CADM2: variants seen among roughly 807,000 people sequenced by gnomAD.
The protein encoded by CADM2 is immunoglobulin superfamily member 4D.
CADM2 carries 12 observed loss-of-function variants against 49.8 expected under a neutral mutation model. That is an observed-to-expected ratio of 0.24 (90% confidence interval 0.15 to 0.39). The LOEUF (loss-of-function observed/expected upper bound fraction) is 0.39, where lower values mean the gene tolerates loss of function less well. CADM2 is among the 10% of genes least tolerant of loss of function. CADM2 has a pLI of 1.00. For synonymous variants in CADM2, 214 were observed against 175.4 expected (o/e 1.22, Z -1.74); for missense variants, 378 against 492.3 (o/e 0.77, Z 2.20).
At chr3:85,349,696 A>T (rs2031137405) in intron 1 of CADM2, among the ~76,000 whole-genome samples, 1 of 152,252 alleles carries the variant, frequency 6.6e-6, no homozygotes, top group Non-Finnish European at 1.5e-5. Context: ...ACTGTTGATA[A>T]GAGATAAAAC....
chr3:85,716,877 C>T lies in CADM2; in HGVS notation c.62-9645C>T, dbSNP rs920940181. On this transcript the variant is annotated intron_variant, in intron 1 of 9. Coordinates refer to ENST00000383699, the MANE Select transcript of CADM2 (RefSeq NM_001167675.2). ...TATATATCTGATTTGGTGCCAGAAC[C>T]GTGCTGTTTTGGTTACTGTAGACTT... is the stretch of plus-strand genomic sequence containing the variant. Among the ~76,000 whole-genome samples the T allele has an allele frequency of 1.2e-4, 19 of 152,228 alleles. 1 individual carries two copies. In the South Asian group the frequency reaches 2.7e-3, roughly 22 times the overall value.
intron 1 of CADM2, among the ~76,000 whole-genome samples, chr3:85,380,022 C>A (rs13085170): frequency 0.26 from 39,652 of 151,862 alleles, 5,354 homozygotes; most frequent in South Asian, 0.34. Flanking sequence ...AAAAACATGT[C>A]CAATGACAAG....
intron 1 of CADM2, among the ~76,000 whole-genome samples, chr3:85,690,166 A>C (rs2066339185): frequency 6.6e-6 from 1 of 152,218 alleles, no homozygotes; most frequent in Non-Finnish European, 1.5e-5. Context: ...TAGAATCAGC[A>C]GAATGACTCT....
chr3:85,386,637 G>C (rs1044846573), intron 1 of CADM2, among the ~76,000 whole-genome samples: 2 of 152,192 alleles, frequency 1.3e-5, no homozygotes, highest in African/African-American at 4.8e-5. Context: ...TTGTGGGTTA[G>C]TTTTTGTATT....
At chr3:85,168,907 A>G (rs1018936807) in intron 1 of CADM2, among the ~76,000 whole-genome samples, 1 of 152,028 alleles carries the variant, frequency 6.6e-6, no homozygotes, top group Non-Finnish European at 1.5e-5. Context: ...GACAAATACA[A>G]TTGTTTTTGA....
chr3:85,178,697 C>G (rs1462449358), intron 1 of CADM2, among the ~76,000 whole-genome samples: 1 of 151,886 alleles, frequency 6.6e-6, no homozygotes, highest in African/African-American at 2.4e-5. Flanking sequence ...TGAATTTAAA[C>G]TACTTGGCGT....
chr3:85,950,249 T>C (rs1210740509), intron 7 of CADM2, among the ~76,000 whole-genome samples: 2 of 151,188 alleles, frequency 1.3e-5, no homozygotes, highest in African/African-American at 4.8e-5. Context: ...ATATTCTGTG[T>C]TTACCAAAGA....
intron 1 of CADM2, among the ~76,000 whole-genome samples, chr3:85,126,283 G>A (rs1050073364): frequency 3.3e-5 from 5 of 152,058 alleles, no homozygotes; most frequent in Admixed American, 2.0e-4. Context: ...CCATTACTAT[G>A]TGTGAGGCTC....
intron 1 of CADM2, among the ~76,000 whole-genome samples, chr3:85,460,733 G>GTGTGT (rs2038207140): frequency 1.3e-5 from 2 of 149,068 alleles, no homozygotes; most frequent in East Asian, 4.0e-4. Flanking sequence ...TGGGAGATGT[G>GTGTGT]GTGTGTGTGT....
At chr3:85,133,432 C>T (rs142948750) in intron 1 of CADM2, among the ~76,000 whole-genome samples, 30 of 152,248 alleles carry the variant, frequency 2.0e-4, no homozygotes, top group Non-Finnish European at 3.2e-4. Flanking sequence ...AGTGTGGACA[C>T]AAAGGTTCTC....
chr3:85,141,960 C>T lies in CADM2; in HGVS notation c.61+182292C>T, dbSNP rs547331639. 2.0e-5 allele frequency among the ~76,000 whole-genome samples: 3 copies of T among 152,266 alleles called. No homozygotes were observed. The South Asian group carries it at 6.2e-4, about 32-fold the overall frequency. ...GGAAAAGAATTGTGTTTATATTAATCATTCAGGAATCCAAGCTAATGACAC... is the reference window on the plus strand; with the variant it reads ...GGAAAAGAATTGTGTTTATATTAATTATTCAGGAATCCAAGCTAATGACAC... On this transcript the variant is annotated intron_variant, in intron 1 of 9. Transcript: ENST00000383699.
intron 1 of CADM2, among the ~76,000 whole-genome samples, chr3:85,197,454 A>G (rs1014768282): frequency 2.0e-5 from 3 of 151,982 alleles, no homozygotes; most frequent in African/African-American, 7.2e-5. Flanking sequence ...AGAGTAAGCA[A>G]GAGAAATACA....
intron 1 of CADM2, among the ~76,000 whole-genome samples, chr3:85,184,306 C>A (rs968863271): frequency 6.6e-5 from 10 of 152,178 alleles, no homozygotes; most frequent in South Asian, 6.2e-4. Context: ...AAGTAGGCAA[C>A]TCTTTTGGTA....
intron 1 of CADM2, among the ~76,000 whole-genome samples, chr3:85,500,951 G>C (rs1383697953): frequency 6.6e-6 from 1 of 152,062 alleles, no homozygotes; most frequent in Non-Finnish European, 1.5e-5. Context: ...AGCCAAAATG[G>C]GCATTTCCCT....
chr3:85,469,933 A>G (rs777101124), intron 1 of CADM2, among the ~76,000 whole-genome samples: 3 of 152,122 alleles, frequency 2.0e-5, no homozygotes, highest in African/African-American at 7.2e-5. Context: ...CCTGGGAGTG[A>G]TGGAGCATGA....
intron 2 of CADM2, among the ~76,000 whole-genome samples, chr3:85,779,404 A>G (rs1346959237): frequency 6.6e-6 from 1 of 152,232 alleles, no homozygotes; most frequent in African/African-American, 2.4e-5. Flanking sequence ...GCATGAGACT[A>G]TGTCATTTAT....
At chr3:85,446,365 T>A (rs2037450588) in intron 1 of CADM2, among the ~76,000 whole-genome samples, 1 of 152,126 alleles carries the variant, frequency 6.6e-6, no homozygotes, top group Admixed American at 6.5e-5. Flanking sequence ...GTACTTTCAG[T>A]GCATTATTTA....
At chr3:85,012,104 G>T (rs1700957487) in intron 1 of CADM2, among the ~76,000 whole-genome samples, 1 of 150,700 alleles carries the variant, frequency 6.6e-6, no homozygotes, top group African/African-American at 2.4e-5. Context: ...ATTTTAAAGG[G>T]AGAAATAAAA....
At chr3:85,473,792 T>G (rs1033153138) in intron 1 of CADM2, among the ~76,000 whole-genome samples, 1 of 152,114 alleles carries the variant, frequency 6.6e-6, no homozygotes, top group Non-Finnish European at 1.5e-5. Context: ...TGTAGGTTCA[T>G]ATATTGAAAA....
Sources: gnomAD v4.1 joint callset for allele counts (sites outside exome capture counted in the v4.1 genomes callset) on GRCh38, gnomAD v4.1.1 for gene constraint, MANE v1.5 for transcripts, NCBI Gene and HGNC (gene_info 2026-07-23, HGNC 2026-07-21) for gene names.